Variants in BCAT1 observed in about 807,000 individuals in gnomAD.
The protein encoded by BCAT1 is branched-chain-amino-acid aminotransferase, cytosolic.
A neutral mutation model predicts 52.4 loss-of-function variants in BCAT1; 48 were observed. The observed-to-expected ratio is 0.92, with a 90% CI of 0.73 to 1.16. BCAT1 has a LOEUF of 1.16. Among genes scored for constraint, BCAT1 ranks in the 50% most tolerant of loss-of-function variants. The probability of loss-of-function intolerance (pLI) is 0.00; values close to 1 mark genes in which losing one functional copy is unlikely to be tolerated. For missense variants in BCAT1, 451 were observed against 457.1 expected (o/e 0.99, Z 0.12); for synonymous variants, 167 against 161.3 (o/e 1.04, Z -0.27).
At chr12:24,927,472 T>G (rs1268706540) in intron 1 of BCAT1, among the ~76,000 whole-genome samples, 1 of 152,248 alleles carries the variant, frequency 6.6e-6, no homozygotes, top group Non-Finnish European at 1.5e-5. Context: ...CATGGTAGAC[T>G]GAACACATGA....
intron 1 of BCAT1, among the ~76,000 whole-genome samples, chr12:24,916,830 T>C (rs7969444): frequency 0.65 from 98,690 of 152,118 alleles, 36,251 homozygotes; most frequent in Non-Finnish European, 0.84. Flanking sequence ...TGAGCCACCA[T>C]GCACAGCCGA....
Position 24,849,967 on chromosome 12 carries a change from T to A in BCAT1, c.511-18A>T. 3.2e-6 allele frequency: 5 copies of A among 1,582,100 alleles called. No individual in the cohort carries two copies. Among genetic ancestry groups the A allele is most frequent in the Non-Finnish European group, 4.3e-6 (5 of 1,159,328 alleles). On this transcript the variant is annotated intron_variant, in intron 5 of 10. Transcript: ENST00000261192. Reference sequence around the variant, plus strand: ...AGAGAAGGCTGCAACAAAGTAGAAGTACATACAACTGTAACTTAAAATGTG... The same window carrying A: ...AGAGAAGGCTGCAACAAAGTAGAAGAACATACAACTGTAACTTAAAATGTG...
At chr12:24,865,776 A>G (rs1468744996) in intron 5 of BCAT1, among the ~76,000 whole-genome samples, 3 of 152,250 alleles carry the variant, frequency 2.0e-5, no homozygotes, top group Non-Finnish European at 4.4e-5. Context: ...ATGGTTGATC[A>G]GTAAGAGACC....
Position 24,933,746 on chromosome 12 carries a change from G to A in BCAT1, c.6+15181C>T, listed in dbSNP as rs552063748. 3.9e-5 allele frequency among the ~76,000 whole-genome samples: 6 copies of A among 152,180 alleles called. No individual in the cohort carries two copies. In the South Asian group the frequency reaches 1.0e-3, roughly 26 times the overall value. The stretch of plus-strand genomic sequence containing the variant: ...GAGCACAGGTTAATAGGCAGAAGAA[G>A]GAGAAAGGAAAACAGCCCTCTCTCT... On this transcript the variant is annotated intron_variant, in intron 1 of 10. Coordinates refer to ENST00000261192, the MANE Select transcript of BCAT1 (RefSeq NM_005504.7).
At chr12:24,923,648 G>A (rs556527230) in intron 1 of BCAT1, among the ~76,000 whole-genome samples, 1 of 152,206 alleles carries the variant, frequency 6.6e-6, no homozygotes, top group African/African-American at 2.4e-5. Context: ...GAGCCCAAGC[G>A]ATCCTCCCAC....
chr12:24,887,412 GCA>G (rs142575643), intron 3 of BCAT1, among the ~76,000 whole-genome samples: 3 of 151,478 alleles, frequency 2.0e-5, no homozygotes, highest in Admixed American at 1.3e-4. Context: ...ACGTGTGCAA[GCA>G]CACACACACA....
At chr12:24,831,874 A>G (rs1354672003) in intron 9 of BCAT1, among the ~76,000 whole-genome samples, 1 of 152,230 alleles carries the variant, frequency 6.6e-6, no homozygotes, top group Non-Finnish European at 1.5e-5. Flanking sequence ...CAATTTGACA[A>G]GAAAACAAAA....
chr12:24,854,001 T>C (rs2139483001), intron 5 of BCAT1, among the ~76,000 whole-genome samples: 1 of 152,344 alleles, frequency 6.6e-6, no homozygotes, highest in South Asian at 2.1e-4. Flanking sequence ...ATAAAGACTT[T>C]TTTTACTTCA....
chr12:24,926,026 G>A (rs1591881285), intron 1 of BCAT1, among the ~76,000 whole-genome samples: 1 of 152,200 alleles, frequency 6.6e-6, no homozygotes. Context: ...TCTGGGAAGT[G>A]AGGAGCTTCT....
chr12:24,904,352 G>C (rs1943189675), intron 1 of BCAT1: 1 of 152,336 alleles, frequency 6.6e-6, no homozygotes, highest in South Asian at 2.1e-4. Flanking sequence ...ACAGGCCTGC[G>C]CCACCACGCC....
intron 6 of BCAT1, among the ~76,000 whole-genome samples, chr12:24,845,475 A>G (rs1941316608): frequency 6.6e-6 from 1 of 152,242 alleles, no homozygotes; most frequent in Admixed American, 6.5e-5. Flanking sequence ...TTAAATTACA[A>G]ATGCTTTTTA....
chr12:24,822,070 T>G (rs1347211151), intron 10 of BCAT1, among the ~76,000 whole-genome samples: 1 of 152,060 alleles, frequency 6.6e-6, no homozygotes, highest in African/African-American at 2.4e-5. Flanking sequence ...AGTAAGGAAT[T>G]TAACAGTAGA....
At chr12:24,898,520 C>CTTTTTGTTTTTTTTT (rs1943012628) in intron 2 of BCAT1, among the ~76,000 whole-genome samples, 1 of 38,536 alleles carries the variant, frequency 2.6e-5, no homozygotes, top group Non-Finnish European at 4.4e-5. Flanking sequence ...TCAGTCAACA[C>CTTTTTGTTTTTTTTT]TTTTTTTTTT....
chr12:24,843,769 T>C (rs1353133614), intron 6 of BCAT1, among the ~76,000 whole-genome samples: 5 of 152,132 alleles, frequency 3.3e-5, no homozygotes. Flanking sequence ...GATGACAATA[T>C]AGCATCTTGC....
chr12:24,908,825 T>C (rs1184697816), intron 1 of BCAT1, among the ~76,000 whole-genome samples: 1 of 152,224 alleles, frequency 6.6e-6, no homozygotes, highest in African/African-American at 2.4e-5. Flanking sequence ...GTTTGGGCAT[T>C]GAAGTCCCTT....
intron 1 of BCAT1, among the ~76,000 whole-genome samples, chr12:24,921,270 G>A (rs1943497313): frequency 6.6e-6 from 1 of 152,160 alleles, no homozygotes; most frequent in African/African-American, 2.4e-5. Flanking sequence ...AGGATTTTTA[G>A]TACTTGTATG....
intron 6 of BCAT1, among the ~76,000 whole-genome samples, chr12:24,848,431 T>C (rs577818502): frequency 2.0e-5 from 3 of 152,352 alleles, no homozygotes; most frequent in Admixed American, 1.3e-4. Flanking sequence ...TATTCTGCAA[T>C]AGTGCATTAA....
chr12:24,937,392 G>A (rs1282296562), intron 1 of BCAT1, among the ~76,000 whole-genome samples: 3 of 152,220 alleles, frequency 2.0e-5, no homozygotes, highest in East Asian at 3.8e-4. Context: ...AGATGAGAAG[G>A]ACCAGATCCC....
intron 1 of BCAT1, among the ~76,000 whole-genome samples, chr12:24,921,980 C>G (rs959095159): frequency 3.3e-5 from 5 of 152,084 alleles, no homozygotes; most frequent in Non-Finnish European, 7.3e-5. Flanking sequence ...CACATGTGCA[C>G]ACATACACAC....
Sources: gnomAD v4.1 joint callset for allele counts (sites outside exome capture counted in the v4.1 genomes callset) on GRCh38, gnomAD v4.1.1 for gene constraint, MANE v1.5 for transcripts, NCBI Gene and HGNC (gene_info 2026-07-23, HGNC 2026-07-21) for gene names.